METTL22: variants seen among roughly 807,000 people sequenced by gnomAD.
METTL22 encodes the protein methyltransferase-like protein 22.
A neutral mutation model predicts 48.4 loss-of-function variants in METTL22; 51 were observed. The ratio of observed to expected loss-of-function variants is 1.05; its 90% CI spans 0.84 to 1.33. The LOEUF is 1.33. Among genes scored for constraint, METTL22 ranks in the 40% most tolerant of loss-of-function variants. The pLI, the probability that METTL22 is intolerant of heterozygous loss-of-function variation, is 0.00. For synonymous variants in METTL22, 255 were observed against 214.1 expected, an observed-to-expected ratio of 1.19 and a Z score of -1.67; for missense variants, 678 against 526.9, an observed-to-expected ratio of 1.29 and a Z score of -2.81.
intron 5 of METTL22, 130 bp from the exon 6 acceptor site, chr16:8,638,961 G>A: frequency 2.4e-6 from 2 of 850,874 alleles, no homozygotes; most frequent in East Asian, 5.2e-5. Flanking sequence ...TTGGCAGTAA[G>A]ACACATAGGA....
intron 9 of METTL22, chr16:8,642,890 G>A: frequency 6.0e-6 from 2 of 334,812 alleles, no homozygotes; most frequent in Non-Finnish European, 1.1e-5. Context: ...CGCTTGGCCA[G>A]CACACACTGT....
chr16:8,655,015 A>C, the METTL22 span, among the ~76,000 whole-genome samples: 1 of 152,218 alleles, frequency 6.6e-6, no homozygotes, highest in Non-Finnish European at 1.5e-5. Context: ...AGTAACTCAA[A>C]CCTGCTGGGC....
At chr16:8,653,595 A>G (rs979629431), downstream of METTL22, among the ~76,000 whole-genome samples, 3 of 152,262 alleles carry the variant, frequency 2.0e-5, no homozygotes, top group African/African-American at 4.8e-5. Flanking sequence ...TAATAAGGCA[A>G]TCAGTCTCTA....
rs532971463 is a variant in METTL22, at chr16:8,625,884, G to T, written c.133+86G>T. ...ATCTTTTTGGGGAAAATATTGGGAA[G>T]ACTGGATTACGTAACTGTTATCCTC... On this transcript the variant is annotated intron_variant, in intron 2 of 10. Coordinates refer to ENST00000381920, the MANE Select transcript of METTL22 (RefSeq NM_024109.4). 4 of 1,531,332 alleles carry T rather than the reference G, an allele frequency of 2.6e-6. No homozygotes were observed. The South Asian group carries it at 3.5e-5, about 13-fold the overall frequency. The allele number at this position is 1,531,332 out of a possible 1,614,324, so 94.9% of individuals were successfully genotyped here. A position where few individuals can be genotyped will look rare whatever the true frequency, so the allele number is the denominator to read the frequency against.
chr16:8,638,016 G>A (rs944016825), intron 5 of METTL22, among the ~76,000 whole-genome samples: 2 of 151,998 alleles, frequency 1.3e-5, no homozygotes, highest in East Asian at 1.9e-4. Context: ...GCATGGTGGC[G>A]TGTGCCTATA....
In METTL22 at chr16:8,633,478, C is replaced by T. The variant is rs539547854; in HGVS notation, c.515-1561C>T. On this transcript the variant is annotated intron_variant, in intron 3 of 10. Transcript: ENST00000381920. ...AAATTTAGCCTGGCATGGAGGCATGCACCTGTAGCCCCAGCTACTCGAGAG... is the reference window on the plus strand; with the variant it reads ...AAATTTAGCCTGGCATGGAGGCATGTACCTGTAGCCCCAGCTACTCGAGAG... Among the ~76,000 whole-genome samples the T allele has an allele frequency of 1.4e-4, 22 of 152,308 alleles. No homozygotes were observed. In the South Asian group the frequency reaches 4.6e-3, roughly 32 times the overall value.
At chr16:8,642,264 C>A in intron 8 of METTL22, 57 bp downstream of exon 8, 1 of 1,472,550 alleles carries the variant, frequency 6.8e-7, no homozygotes, top group Non-Finnish European at 9.5e-7. Context: ...AAGTCAAGTG[C>A]AGTCTCTCCT....
chr16:8,658,528 C>T, the METTL22 span, among the ~76,000 whole-genome samples: 2 of 152,144 alleles, frequency 1.3e-5, no homozygotes, highest in Admixed American at 6.5e-5. Flanking sequence ...GGCTGAAGCC[C>T]GGTTGCTCCT....
chr16:8,626,996 T>C (rs1283973250), intron 2 of METTL22, among the ~76,000 whole-genome samples: 1 of 151,648 alleles, frequency 6.6e-6, no homozygotes, highest in Non-Finnish European at 1.5e-5. Context: ...CTTGATCTCC[T>C]GACCTCGTGC....
At position 8,642,530 on chromosome 16, in the gene METTL22, A is replaced by G; in HGVS notation, c.975A>G (p.Lys325=). Residue 325 remains lysine (K), a synonymous_variant, in exon 9 of 11, where the codon AAA becomes AAG. Coordinates refer to ENST00000381920, the MANE Select transcript of METTL22 (RefSeq NM_024109.4). The part of the protein sequence containing the change: ...KTLSRLAHRL[K]NACTAILSVE... ...TCTCCCGACTCGCCCACAGATTGAAAAATGCCTGCACAGCCATACTGTCGG... is the reference window on the plus strand; with the variant it reads ...TCTCCCGACTCGCCCACAGATTGAAGAATGCCTGCACAGCCATACTGTCGG... 1 of 1,614,210 alleles carries G rather than the reference A, an allele frequency of 6.2e-7. No individual in the cohort carries two copies. The highest frequency in any genetic ancestry group is 8.5e-7 in the Non-Finnish European group (1 of 1,180,054).
At chr16:8,634,411 C>G (rs1024417461) in intron 3 of METTL22, among the ~76,000 whole-genome samples, 2 of 152,170 alleles carry the variant, frequency 1.3e-5, no homozygotes, top group African/African-American at 4.8e-5. Flanking sequence ...TCTCCTTGAT[C>G]TTATATTTCC....
At position 8,635,168 on chromosome 16, in the gene METTL22, G is replaced by A; in HGVS notation, c.556G>A (p.Val186Met). 1.9e-6 allele frequency: 3 copies of A among 1,612,018 alleles called. No homozygotes were observed. The highest frequency in any genetic ancestry group is 2.5e-6 in the Non-Finnish European group (3 of 1,178,812). ...TCGCTCCTTGTCCTCTTCCCTCCAG[G>A]TGTGGCGGGGCGCCCTGCTCCTGGC... ...ATPLEDVGKQ[V>M]WRGALLLADY... The change falls in exon 5 of 11, where the codon GTG becomes ATG. Residue 186 changes from valine to methionine, a missense_variant and splice_region_variant. Physicochemically the swap from Val to Met is conservative, Grantham distance 21. Coordinates refer to ENST00000381920, the MANE Select transcript of METTL22 (RefSeq NM_024109.4).
chr16:8,628,644 G>A lies in METTL22; in HGVS notation c.134-86G>A, dbSNP rs2056144856. 3.5e-5 allele frequency: 52 copies of A among 1,495,416 alleles called. No individual in the cohort carries two copies. The South Asian group carries it at 6.9e-4, about 20-fold the overall frequency. 92.6% of individuals were successfully genotyped at this position (1,495,416 alleles called of 1,614,324 possible). A position where few individuals can be genotyped will look rare whatever the true frequency, so the allele number is the denominator to read the frequency against. ...TGGCCTTTAAAAATCTTTCCTATTG[G>A]TAATCAGATATTCTCAAAGAAGAAG... On this transcript the variant is annotated intron_variant, in intron 2 of 10. Transcript: ENST00000381920.
intron 6 of METTL22, 73 bp from the exon 7 acceptor site, chr16:8,641,058 A>C: frequency 7.2e-7 from 1 of 1,383,774 alleles, no homozygotes; most frequent in Non-Finnish European, 1.0e-6. Context: ...CTTCATATAT[A>C]GTGTAAAAGT....
chr16:8,635,112 G>T, intron 4 of METTL22, 33 bp downstream of exon 4: 1 of 1,613,988 alleles, frequency 6.2e-7, no homozygotes, highest in Non-Finnish European at 8.5e-7. Context: ...CTGTGGCCCT[G>T]ATGGGTCCCT....
chr16:8,641,476 G>A (rs767346838), intron 7 of METTL22: 2 of 558,310 alleles, frequency 3.6e-6, no homozygotes, highest in South Asian at 3.1e-5. Context: ...GGCACAGCTG[G>A]TACACAGCAG....
At chr16:8,638,057 G>C (rs1596353563) in intron 5 of METTL22, among the ~76,000 whole-genome samples, 1 of 152,164 alleles carries the variant, frequency 6.6e-6, no homozygotes, top group African/African-American at 2.4e-5. Context: ...TGAGGCAGGA[G>C]AATTGCTTGA....
downstream of METTL22, among the ~76,000 whole-genome samples, chr16:8,651,386 C>CAAAA (rs768911703): frequency 2.0e-4 from 10 of 49,068 alleles, 1 homozygote; most frequent in Non-Finnish European, 2.7e-4. Context: ...GACTCTGTCT[C>CAAAA]AAAAAAAAAA....
the METTL22 span, among the ~76,000 whole-genome samples, chr16:8,660,180 T>C: frequency 3.2e-5 from 1 of 31,220 alleles, no homozygotes; most frequent in East Asian, 0.014. Flanking sequence ...TTTTGTTTTT[T>C]TGTTTGTTTG....
Sources: gnomAD v4.1 joint callset for allele counts (sites outside exome capture counted in the v4.1 genomes callset) on GRCh38, gnomAD v4.1.1 for gene constraint, MANE v1.5 for transcripts, NCBI Gene and HGNC (gene_info 2026-07-23, HGNC 2026-07-21) for gene names.